Variants in SDK1 observed in about 807,000 individuals in gnomAD.
SDK1 encodes the protein protein sidekick-1.
SDK1 carries 157 observed loss-of-function variants against 245.5 expected under a neutral mutation model. The observed-to-expected ratio is 0.64, with a 90% CI of 0.56 to 0.73. The LOEUF (loss-of-function observed/expected upper bound fraction) is 0.73. SDK1 is among the 30% of genes least tolerant of loss of function. The pLI is 0.00. For missense variants in SDK1, 3,583 were observed against 3,002.3 expected (o/e 1.19, Z -4.52); for synonymous variants, 1,647 against 1,278.5 (o/e 1.29, Z -6.15).
intron 43 of SDK1, among the ~76,000 whole-genome samples, chr7:4,244,168 C>T (rs372414647): frequency 2.6e-5 from 4 of 152,182 alleles, no homozygotes; most frequent in African/African-American, 9.6e-5. Context: ...AGAGTCTCCA[C>T]CCAAGGCCTG....
chr7:3,474,729 C>T (rs1583912812), intron 1 of SDK1, among the ~76,000 whole-genome samples: 1 of 152,088 alleles, frequency 6.6e-6, no homozygotes, highest in African/African-American at 2.4e-5. Context: ...CTTACTCTGT[C>T]ACCCAGGCTG....
At chr7:3,329,020 C>A (rs1056195304) in intron 1 of SDK1, among the ~76,000 whole-genome samples, 6 of 152,112 alleles carry the variant, frequency 3.9e-5, no homozygotes, top group Admixed American at 3.9e-4. Flanking sequence ...TCAATGTAGT[C>A]TTTTACGATG....
At position 3,783,474 on chromosome 7, in the gene SDK1, C is replaced by T. The variant is rs149728567; in HGVS notation, c.714-37976C>T. 3.9e-3 allele frequency among the ~76,000 whole-genome samples: 525 copies of T among 135,748 alleles called. 11 individuals carry two copies. Among genetic ancestry groups the T allele is most frequent in the Admixed American group, 0.036 (488 of 13,684 alleles). 89.1% of individuals were successfully genotyped at this position (135,748 alleles called of 152,430 possible). A position where few individuals can be genotyped will look rare whatever the true frequency, so the allele number is the denominator to read the frequency against. On this transcript the variant is annotated intron_variant, in intron 4 of 44. Transcript: ENST00000404826. Reference sequence around the variant, plus strand: ...ATATAGAAAATGCTACAGACCCCACCAAAAAAAAAAAACCCTGTTGGAACT... The same window carrying T: ...ATATAGAAAATGCTACAGACCCCACTAAAAAAAAAAAACCCTGTTGGAACT...
chr7:3,531,583 T>A (rs1343837546), intron 1 of SDK1, among the ~76,000 whole-genome samples: 1 of 152,182 alleles, frequency 6.6e-6, no homozygotes, highest in Non-Finnish European at 1.5e-5. Context: ...CCTAAGTATG[T>A]CTCAGATAGT....
At chr7:3,491,245 A>G (rs1781855301) in intron 1 of SDK1, among the ~76,000 whole-genome samples, 1 of 152,192 alleles carries the variant, frequency 6.6e-6, no homozygotes, top group Non-Finnish European at 1.5e-5. Context: ...ATCGTTCCTT[A>G]AGCACCTGTG....
chr7:4,222,408 C>T (rs963743636), intron 40 of SDK1, among the ~76,000 whole-genome samples: 3 of 152,190 alleles, frequency 2.0e-5, no homozygotes, highest in Non-Finnish European at 4.4e-5. Context: ...AATTCTCCTG[C>T]CTCAGCCTCC....
rs116243150 is a variant in SDK1 at position 3,975,588 on chromosome 7, G to A, written c.1994+1043G>A. Among the ~76,000 whole-genome samples, 1,289 of 152,350 alleles carry A rather than the reference G, an allele frequency of 8.5e-3. 21 individuals carry two copies. Among genetic ancestry groups the A allele is most frequent in the African/African-American group, 0.029 (1,208 of 41,570 alleles). ...GAAAAGAATGCTTGCTAAGTGCTAA[G>A]CATGTGGCTTCTGTGTCTGCCACAC... On this transcript the variant is annotated intron_variant, in intron 13 of 44. Transcript: ENST00000404826.
intron 35 of SDK1, among the ~76,000 whole-genome samples, chr7:4,186,168 A>G (rs1488135892): frequency 1.3e-5 from 2 of 152,256 alleles, no homozygotes; most frequent in Non-Finnish European, 2.9e-5. Context: ...TTTTCTGTTC[A>G]TTTATGAATC....
In SDK1 at chr7:4,189,990, A is replaced by AG. The variant is rs576479355; in HGVS notation, c.5098+11405dup. Among the ~76,000 whole-genome samples the AG allele has an allele frequency of 2.3e-3, 349 of 152,172 alleles. 2 individuals carry two copies. The highest frequency in any genetic ancestry group is 7.5e-3 in the African/African-American group (313 of 41,496). ...TTTAATTACAGTTGGTTGGAATGAGAGAAAAAAAAAAGCACAGCTTCTAGC... is the reference window on the plus strand; with the variant it reads ...TTTAATTACAGTTGGTTGGAATGAGAGGAAAAAAAAAAGCACAGCTTCTAGC... On this transcript the variant is annotated intron_variant, in intron 35 of 44. Coordinates refer to ENST00000404826, the MANE Select transcript of SDK1 (RefSeq NM_152744.4).
At chr7:4,033,845 A>G (rs926330671) in intron 17 of SDK1, among the ~76,000 whole-genome samples, 4 of 152,242 alleles carry the variant, frequency 2.6e-5, no homozygotes, top group African/African-American at 9.6e-5. Context: ...TAGGAATGCA[A>G]TGATACAACC....
intron 13 of SDK1, among the ~76,000 whole-genome samples, chr7:3,977,996 G>T (rs982580145): frequency 6.6e-6 from 1 of 152,048 alleles, no homozygotes; most frequent in Non-Finnish European, 1.5e-5. Context: ...AGCTCAGGTC[G>T]TTCTACCAAA....
At chr7:3,715,561 C>T (rs1231885894) in intron 4 of SDK1, among the ~76,000 whole-genome samples, 2 of 152,282 alleles carry the variant, frequency 1.3e-5, no homozygotes, top group East Asian at 3.9e-4. Flanking sequence ...GAAGGATCCC[C>T]AGACCCTACA....
At chr7:3,807,323 C>T (rs1779276319) in intron 4 of SDK1, among the ~76,000 whole-genome samples, 1 of 152,186 alleles carries the variant, frequency 6.6e-6, no homozygotes, top group Admixed American at 6.5e-5. Context: ...AGGGGAAGTG[C>T]TTAACGCTGA....
At chr7:3,617,270 G>C (rs1402171277) in intron 1 of SDK1, among the ~76,000 whole-genome samples, 2 of 152,100 alleles carry the variant, frequency 1.3e-5, no homozygotes, top group Non-Finnish European at 2.9e-5. Context: ...TTAGTTCCTG[G>C]CATTGTTCTA....
At chr7:3,315,021 G>C (rs1036920753) in intron 1 of SDK1, among the ~76,000 whole-genome samples, 1 of 152,068 alleles carries the variant, frequency 6.6e-6, no homozygotes, top group Non-Finnish European at 1.5e-5. Context: ...AGCTGGGTTG[G>C]CTAGAGTCCT....
Position 3,337,161 on chromosome 7 carries a change from A to G in SDK1, c.298+35277A>G, listed in dbSNP as rs149600781. ...CTATGATAAAATGTTTCAACAAGCT[A>G]TTACAAATTCTTTTGAAACAAAACA... On this transcript the variant is annotated intron_variant, in intron 1 of 44. Transcript: ENST00000404826. Among the ~76,000 whole-genome samples the G allele has an allele frequency of 8.8e-3, 1,345 of 152,330 alleles. 16 individuals are homozygous for G. The highest frequency in any genetic ancestry group is 0.031 in the African/African-American group (1,275 of 41,572).
chr7:4,070,219 G>A (rs1780161454), intron 20 of SDK1, among the ~76,000 whole-genome samples: 1 of 152,216 alleles, frequency 6.6e-6, no homozygotes, highest in East Asian at 1.9e-4. Context: ...CTAATGGGAT[G>A]TCTGCACCCG....
rs148144450 is a variant in SDK1, at chr7:3,365,022, C to T, written c.298+63138C>T. Among the ~76,000 whole-genome samples, 907 of 152,136 alleles carry T rather than the reference C, an allele frequency of 6.0e-3. 16 individuals are homozygous for T. Among genetic ancestry groups the T allele is most frequent in the African/African-American group, 0.021 (876 of 41,496 alleles). ...CTTAAGAACTTAATTTTCTTTGGAG[C>T]GATTGTAAGTAGTATTGTATTTTAA... On this transcript the variant is annotated intron_variant, in intron 1 of 44. Coordinates refer to ENST00000404826, the MANE Select transcript of SDK1 (RefSeq NM_152744.4).
At chr7:4,248,902 C>T (rs897143250) in intron 44 of SDK1, among the ~76,000 whole-genome samples, 9 of 152,160 alleles carry the variant, frequency 5.9e-5, no homozygotes, top group Non-Finnish European at 1.0e-4. Flanking sequence ...AGCACACATG[C>T]ATACCACCAT....
Sources: gnomAD v4.1 joint callset for allele counts (sites outside exome capture counted in the v4.1 genomes callset) on GRCh38, gnomAD v4.1.1 for gene constraint, MANE v1.5 for transcripts, NCBI Gene and HGNC (gene_info 2026-07-23, HGNC 2026-07-21) for gene names.